Variants in PIK3CB observed in about 807,000 individuals in gnomAD.
PIK3CB encodes the protein phosphatidylinositol-4,5-bisphosphate 3-kinase catalytic subunit beta, also known as phosphatidylinositol 4,5-bisphosphate 3-kinase catalytic subunit beta isoform.
Under a neutral mutation model 136.8 loss-of-function variants are expected in PIK3CB, and 39 were observed. The ratio of observed to expected loss-of-function variants is 0.29; its 90% CI spans 0.22 to 0.37. PIK3CB has a LOEUF of 0.37. Ranked by LOEUF, PIK3CB falls within the 10% of genes least tolerant of loss-of-function variation. The pLI, the probability that PIK3CB is intolerant of heterozygous loss-of-function variation, is 1.00. For missense variants in PIK3CB, 868 were observed against 1,275.4 expected (o/e 0.68, Z 4.87); for synonymous variants, 428 against 436.6 (o/e 0.98, Z 0.25).
intron 2 of PIK3CB, among the ~76,000 whole-genome samples, chr3:138,773,639 T>C (rs2045825615): frequency 6.6e-6 from 1 of 152,190 alleles, no homozygotes; most frequent in South Asian, 2.1e-4. Flanking sequence ...ATGGTCTTCT[T>C]CCAAACACAT....
intron 12 of PIK3CB, among the ~76,000 whole-genome samples, chr3:138,700,061 A>G (rs1420142764): frequency 6.6e-6 from 1 of 152,166 alleles, no homozygotes; most frequent in Admixed American, 6.6e-5. Flanking sequence ...GAAATTAAAA[A>G]AAAATTTTTA....
At chr3:138,762,985 A>AT (rs1553737662) in intron 2 of PIK3CB, among the ~76,000 whole-genome samples, 128 of 151,910 alleles carry the variant, frequency 8.4e-4, no homozygotes, top group Admixed American at 5.6e-3. Context: ...ACAATAAAAA[A>AT]ATATATATAT....
intron 19 of PIK3CB, among the ~76,000 whole-genome samples, chr3:138,669,081 C>T (rs2043473268): frequency 6.6e-6 from 1 of 152,126 alleles, no homozygotes; most frequent in Admixed American, 6.5e-5. Flanking sequence ...GAGATGCTGA[C>T]ACCACTATCA....
intron 19 of PIK3CB, among the ~76,000 whole-genome samples, chr3:138,679,936 T>TAAAAAAAAAAAAAAA (rs61222749): frequency 9.0e-6 from 1 of 110,848 alleles, no homozygotes; most frequent in East Asian, 2.4e-4. Context: ...AACACAAAAG[T>TAAAAAAAAAAAAAAA]AAAAAAAAAA....
chr3:138,834,611 G>A, intron 1 of PIK3CB, 84 bp downstream of exon 1: 1 of 152,978 alleles, frequency 6.5e-6, no homozygotes, highest in Non-Finnish European at 1.5e-5. Context: ...CGCACCGCCA[G>A]CACGCCCGGG....
intron 11 of PIK3CB, among the ~76,000 whole-genome samples, chr3:138,705,147 T>G (rs1189656517): frequency 1.3e-4 from 7 of 55,278 alleles, no homozygotes; most frequent in African/African-American, 2.1e-4. Context: ...TCCAAGAGAT[T>G]AGAAAGGCAA....
chr3:138,691,123 T>C lies in PIK3CB; in HGVS notation c.1913A>G (p.Tyr638Cys). 6.2e-7 allele frequency: 1 copy of C among 1,613,124 alleles called. No individual in the cohort carries two copies. The highest frequency in any genetic ancestry group is 8.5e-7 in the Non-Finnish European group (1 of 1,179,520). ...TAACACTTGCACCAGTTGTAAAAGA[T>C]ATTGAGAAAGTTCTTCATCACTGAA... is the stretch of plus-strand genomic sequence containing the variant. ...RQMSDEELSQYLLQLVQVLKY... is the reference protein window; with the variant it reads ...RQMSDEELSQCLLQLVQVLKY... The change falls in exon 15 of 24, where the codon TAT becomes TGT. Residue 638 changes from tyrosine (Y) to cysteine (C), a missense_variant. This residue lies in a region of PIK3CB where 612 missense variants were observed against 801.1 expected (regional missense o/e 0.76). Coordinates refer to ENST00000674063, the MANE Select transcript of PIK3CB (RefSeq NM_006219.3).
intron 2 of PIK3CB, among the ~76,000 whole-genome samples, chr3:138,775,827 A>G (rs2045851481): frequency 6.6e-6 from 1 of 152,198 alleles, no homozygotes; most frequent in African/African-American, 2.4e-5. Flanking sequence ...CCTGTATTTA[A>G]GTTATAACAT....
chr3:138,831,271 A>T (rs946625088), intron 1 of PIK3CB, among the ~76,000 whole-genome samples: 2 of 139,666 alleles, frequency 1.4e-5, no homozygotes, highest in African/African-American at 3.2e-5. Flanking sequence ...TAAATAAAAT[A>T]AAATAAAATA....
At chr3:138,697,445 T>A (rs2044161636) in intron 13 of PIK3CB, among the ~76,000 whole-genome samples, 1 of 152,086 alleles carries the variant, frequency 6.6e-6, no homozygotes, top group Non-Finnish European at 1.5e-5. Flanking sequence ...TTTATTTATT[T>A]ATTTATTTGA....
At chr3:138,656,541 T>A (rs2043195283) in intron 22 of PIK3CB, among the ~76,000 whole-genome samples, 1 of 152,204 alleles carries the variant, frequency 6.6e-6, no homozygotes, top group Admixed American at 6.5e-5. Flanking sequence ...ATTACATTTT[T>A]AATAATAATC....
At chr3:138,746,023 G>A (rs2045348113) in intron 4 of PIK3CB, among the ~76,000 whole-genome samples, 5 of 152,094 alleles carry the variant, frequency 3.3e-5, no homozygotes, top group Admixed American at 3.3e-4. Flanking sequence ...GAGGTGGGAG[G>A]ATTCCTTGAG....
chr3:138,685,239 C>G (rs2043859136), intron 16 of PIK3CB: 1 of 153,560 alleles, frequency 6.5e-6, no homozygotes, highest in East Asian at 1.9e-4. Flanking sequence ...AAAAGAAATA[C>G]AAAAATTTGC....
chr3:138,755,413 A>G lies in PIK3CB; in HGVS notation c.397+341T>C, dbSNP rs546346667. Among the ~76,000 whole-genome samples, 3 of 152,278 alleles carry G rather than the reference A, an allele frequency of 2.0e-5. No individual in the cohort carries two copies. In the South Asian group the frequency reaches 6.2e-4, roughly 32 times the overall value. On this transcript the variant is annotated intron_variant, in intron 4 of 23. Transcript: ENST00000674063. ...TCCCAGCACTTTGGGGGGCCAAGGT[A>G]GGAGGATCACTTGAGCCCAGGAGTT...
At chr3:138,670,243 T>C (rs1215474823) in intron 19 of PIK3CB, among the ~76,000 whole-genome samples, 2 of 152,190 alleles carry the variant, frequency 1.3e-5, no homozygotes, top group Non-Finnish European at 2.9e-5. Context: ...ATTAGGCTGA[T>C]GGAACTAAGA....
Position 138,684,685 on chromosome 3 carries a change from C to A in PIK3CB, c.2255G>T (p.Arg752Leu), listed in dbSNP as rs140578043. 15 of 1,613,958 alleles carry A rather than the reference C, an allele frequency of 9.3e-6. No homozygotes were observed. In the East Asian group the frequency reaches 3.1e-4, roughly 34 times the overall value. ...TGACTGCAGGTCAGAGAGGGCTTCC[C>A]GGTAAGCACTCTGTTTTAAACAGGT... ...MHTCLKQSAYREALSDLQSPL... is the reference protein window; with the variant it reads ...MHTCLKQSAYLEALSDLQSPL... The change falls in exon 17 of 24, where the codon CGG (arginine) becomes CTG (leucine). Residue 752 changes from arginine to leucine, a missense_variant. By Grantham distance (102) the Arg-to-Leu change is moderately radical (BLOSUM62 -2). Coordinates refer to ENST00000674063, the MANE Select transcript of PIK3CB (RefSeq NM_006219.3).
At chr3:138,828,100 C>T (rs1423388933) in intron 1 of PIK3CB, among the ~76,000 whole-genome samples, 2 of 151,744 alleles carry the variant, frequency 1.3e-5, no homozygotes, top group Non-Finnish European at 2.9e-5. Context: ...GAAGTGTGTT[C>T]AGGATATACA....
intron 21 of PIK3CB, among the ~76,000 whole-genome samples, chr3:138,658,414 C>G (rs935298961): frequency 6.6e-6 from 1 of 152,112 alleles, no homozygotes; most frequent in Non-Finnish European, 1.5e-5. Flanking sequence ...GATGCCACTA[C>G]GCTCTTGCCT....
chr3:138,810,481 G>A (rs1475902730), intron 1 of PIK3CB, among the ~76,000 whole-genome samples: 1 of 151,734 alleles, frequency 6.6e-6, no homozygotes. Flanking sequence ...CAGAAAAATG[G>A]CACTTTACTT....
Sources: gnomAD v4.1 joint callset for allele counts (sites outside exome capture counted in the v4.1 genomes callset) on GRCh38, gnomAD v4.1.1 for gene constraint, gnomAD v4.1.1 regional missense constraint, MANE v1.5 for transcripts, NCBI Gene and HGNC (gene_info 2026-07-23, HGNC 2026-07-21) for gene names.